Variants in ROBO2 observed in about 807,000 individuals in gnomAD.
The protein encoded by ROBO2 is roundabout homolog 2.
In ROBO2, 53 loss-of-function variants were observed where a neutral mutation model predicts 160.8. That is an observed-to-expected ratio of 0.33 (90% confidence interval 0.26 to 0.41). ROBO2 has a LOEUF of 0.41. Among genes scored for constraint, ROBO2 ranks in the 10% least tolerant of loss-of-function variants. The pLI, the probability that ROBO2 is intolerant of heterozygous loss-of-function variation, is 1.00. For missense variants in ROBO2, 1,577 were observed against 1,722.4 expected, an observed-to-expected ratio of 0.92 and a Z score of 1.49; for synonymous variants, 664 against 611.7, an observed-to-expected ratio of 1.09 and a Z score of -1.26.
intron 1 of ROBO2, among the ~76,000 whole-genome samples, chr3:75,933,419 G>A (rs1195460378): frequency 2.0e-5 from 3 of 152,108 alleles, no homozygotes; most frequent in African/African-American, 7.2e-5. Context: ...CAACCTGCAG[G>A]CTCACTGGCA....
intron 2 of ROBO2, among the ~76,000 whole-genome samples, chr3:76,461,637 G>A (rs1331971344): frequency 6.6e-6 from 1 of 152,140 alleles, no homozygotes; most frequent in Non-Finnish European, 1.5e-5. Context: ...ATTTAATTGA[G>A]CTTCATCTGA....
At chr3:77,075,672 CTTTTTT>C (rs1174587812) in intron 1 of ROBO2, among the ~76,000 whole-genome samples, 2 of 87,254 alleles carry the variant, frequency 2.3e-5, no homozygotes, top group African/African-American at 4.9e-5. Context: ...TTTCTTTCTC[CTTTTTT>C]TTTTTTTTTT....
intron 2 of ROBO2, among the ~76,000 whole-genome samples, chr3:76,888,695 A>G (rs1254830427): frequency 6.6e-6 from 1 of 152,168 alleles, no homozygotes; most frequent in Non-Finnish European, 1.5e-5. Context: ...CTATAGATAC[A>G]TCACCCTTTA....
At chr3:76,627,246 C>CTAG (rs1239590246) in intron 2 of ROBO2, among the ~76,000 whole-genome samples, 5 of 152,166 alleles carry the variant, frequency 3.3e-5, no homozygotes, top group Admixed American at 2.0e-4. Context: ...ATTTTACTCT[C>CTAG]TCTACACTGT....
At chr3:77,095,657 G>A (rs1277490911) in intron 1 of ROBO2, among the ~76,000 whole-genome samples, 1 of 152,168 alleles carries the variant, frequency 6.6e-6, no homozygotes, top group Non-Finnish European at 1.5e-5. Context: ...AACTCTTGAT[G>A]TATTTTAAGA....
chr3:76,104,887 T>C (rs1404216427), intron 2 of ROBO2, among the ~76,000 whole-genome samples: 1 of 152,204 alleles, frequency 6.6e-6, no homozygotes, highest in Admixed American at 6.5e-5. Context: ...AGTTTGAATC[T>C]GTACTATGGG....
chr3:76,886,641 G>A (rs1477957979), intron 2 of ROBO2, among the ~76,000 whole-genome samples: 1 of 152,108 alleles, frequency 6.6e-6, no homozygotes, highest in East Asian at 1.9e-4. Flanking sequence ...AGTTGGCAAG[G>A]GAAAGGGAAG....
At chr3:77,345,089 A>G (rs1277569794) in intron 2 of ROBO2, among the ~76,000 whole-genome samples, 2 of 152,122 alleles carry the variant, frequency 1.3e-5, no homozygotes, top group Non-Finnish European at 2.9e-5. Context: ...AAAAAACCGT[A>G]AAAACTCTTA....
chr3:76,557,622 T>TA (rs940447286), intron 2 of ROBO2, among the ~76,000 whole-genome samples: 3 of 136,038 alleles, frequency 2.2e-5, no homozygotes, highest in Non-Finnish European at 4.9e-5. Context: ...TTTTTTTTTT[T>TA]ACTTTAAGAA....
At chr3:76,214,584 T>A (rs535202497) in intron 2 of ROBO2, among the ~76,000 whole-genome samples, 2 of 152,242 alleles carry the variant, frequency 1.3e-5, no homozygotes, top group East Asian at 3.9e-4. Flanking sequence ...CAGTCTGAGA[T>A]CGAACTGCAA....
At chr3:76,327,743 C>T (rs1360580193) in intron 2 of ROBO2, among the ~76,000 whole-genome samples, 2 of 152,142 alleles carry the variant, frequency 1.3e-5, no homozygotes, top group Admixed American at 1.3e-4. Context: ...GGCAAATTCA[C>T]ATTTTGGCTC....
In ROBO2 at chr3:76,633,282, C is replaced by T. The variant is rs541172603; in HGVS notation, c.110-464732C>T. 5.3e-5 allele frequency among the ~76,000 whole-genome samples: 8 copies of T among 152,084 alleles called. 2 individuals carry two copies. The South Asian group carries it at 1.7e-3, about 32-fold the overall frequency. On this transcript the variant is annotated intron_variant, in intron 2 of 26. Transcript: ENST00000487694. ...AAATATTTTCTTATTTATTTATCTC[C>T]CCACCCCCGCACATGAAATCAGGCA...
At chr3:77,299,521 G>A (rs779849963) in intron 2 of ROBO2, among the ~76,000 whole-genome samples, 2 of 152,110 alleles carry the variant, frequency 1.3e-5, no homozygotes, top group Non-Finnish European at 2.9e-5. Flanking sequence ...GTGGCAGCAG[G>A]AAGGAAAAGT....
intron 2 of ROBO2, among the ~76,000 whole-genome samples, chr3:76,120,530 G>T (rs1006774549): frequency 1.8e-4 from 27 of 152,222 alleles, no homozygotes; most frequent in African/African-American, 6.3e-4. Context: ...AGACTTTCAT[G>T]TACTTTTAAA....
At chr3:76,786,319 C>T (rs2062970606) in intron 2 of ROBO2, among the ~76,000 whole-genome samples, 1 of 151,256 alleles carries the variant, frequency 6.6e-6, no homozygotes, top group South Asian at 2.1e-4. Context: ...AAAGATGTAC[C>T]TGAGACTGGG....
intron 2 of ROBO2, among the ~76,000 whole-genome samples, chr3:76,277,085 C>G (rs575406650): frequency 6.6e-6 from 1 of 152,006 alleles, no homozygotes; most frequent in African/African-American, 2.4e-5. Context: ...ACTATCTCAA[C>G]CACCCATGTG....
chr3:77,279,027 C>T (rs576654265), intron 2 of ROBO2, among the ~76,000 whole-genome samples: 1 of 152,178 alleles, frequency 6.6e-6, no homozygotes, highest in Middle Eastern at 3.4e-3. Context: ...AGATGCTAAT[C>T]ATATTCCTTA....
At chr3:76,335,177 T>TG (rs1491465463) in intron 2 of ROBO2, among the ~76,000 whole-genome samples, 1 of 126,136 alleles carries the variant, frequency 7.9e-6, no homozygotes, top group Non-Finnish European at 1.6e-5. Flanking sequence ...TTTTCTGTTT[T>TG]GTTTTTTTTT....
chr3:77,569,728 C>T (rs559010288), intron 13 of ROBO2, among the ~76,000 whole-genome samples: 2 of 151,940 alleles, frequency 1.3e-5, no homozygotes, highest in East Asian at 1.9e-4. Context: ...TTAGGATTGC[C>T]TTAGCTATTC....
Sources: allele counts gnomAD v4.1 joint callset (sites outside exome capture counted in the v4.1 genomes callset), GRCh38; gene constraint gnomAD v4.1.1; transcripts MANE v1.5; gene names NCBI Gene and HGNC (gene_info 2026-07-23, HGNC 2026-07-21).